The following CHM variants were observed in gnomAD, a reference collection of about 807,000 sequenced individuals.
CHM encodes the protein rab proteins geranylgeranyltransferase component A 1.
CHM carries 10 observed loss-of-function variants against 49.0 expected under a neutral mutation model. That is an observed-to-expected ratio of 0.20 (90% CI 0.13 to 0.35). CHM has a LOEUF of 0.35. Ranked by LOEUF, CHM falls within the 10% of genes least tolerant of loss-of-function variation. The pLI is 1.00. For synonymous variants in CHM, 184 were observed against 167.5 expected, an observed-to-expected ratio of 1.10 and a Z score of -0.76; for missense variants, 455 against 478.4, an observed-to-expected ratio of 0.95 and a Z score of 0.46.
rs150490682 is a variant in CHM, at chrX:86,047,496, C to A, written c.37G>T (p.Val13Leu). The change falls in exon 1 of 15, where the codon GTA becomes TTA. Residue 13 changes from valine to leucine, a missense_variant. Val to Leu is a conservative substitution (Grantham distance 32). Transcript: ENST00000357749. ...AGGCTACACATACCCGTCCCTATTA[C>A]GATCACATCAAACTCCGAAGGGAGA... ...DTLPSEFDVI[V>L]IGTGLPESII... 1.7e-6 allele frequency: 2 copies of A among 1,208,599 alleles called. No individual in the cohort carries two copies. The highest frequency in any genetic ancestry group is 3.5e-5 in the South Asian group (2 of 56,537).
chrX:85,896,382 C>T (rs895361896), intron 11 of CHM, among the ~76,000 whole-genome samples: 6 of 110,540 alleles, frequency 5.4e-5, no homozygotes, highest in African/African-American at 2.0e-4. Flanking sequence ...CATTGAAGGA[C>T]GTGAAGTTGA....
intron 4 of CHM, among the ~76,000 whole-genome samples, chrX:85,967,010 T>C (rs768397578): frequency 3.1e-3 from 345 of 112,347 alleles, no homozygotes; most frequent in Non-Finnish European, 5.2e-3. Flanking sequence ...ATCGTTTTAC[T>C]GTTCTCAACA....
At chrX:85,944,679 G>C (rs1181660333) in intron 8 of CHM, among the ~76,000 whole-genome samples, 1 of 112,220 alleles carries the variant, frequency 8.9e-6, no homozygotes, top group Non-Finnish European at 1.9e-5. Flanking sequence ...TACACTGCTG[G>C]TGGGTATGTA....
chrX:85,916,492 G>T (rs761806489), intron 8 of CHM, among the ~76,000 whole-genome samples: 1 of 111,850 alleles, frequency 8.9e-6, no homozygotes, highest in African/African-American at 3.2e-5. Context: ...CACAGCAAAA[G>T]AAACTATCAA....
chrX:85,980,757 T>C (rs1340609434), intron 3 of CHM, among the ~76,000 whole-genome samples: 1 of 111,443 alleles, frequency 9.0e-6, no homozygotes, highest in Non-Finnish European at 1.9e-5. Context: ...ATCTGTCTTA[T>C]AAAAGTTGGC....
At chrX:85,925,211 CTA>C (rs968734350) in intron 8 of CHM, among the ~76,000 whole-genome samples, 12 of 111,179 alleles carry the variant, frequency 1.1e-4, no homozygotes, top group East Asian at 5.6e-4. Context: ...GCCTCCATAT[CTA>C]TGTTTCATAA....
At chrX:85,866,314 G>A (rs769588148) in intron 14 of CHM, among the ~76,000 whole-genome samples, 4 of 112,590 alleles carry the variant, frequency 3.6e-5, no homozygotes, top group South Asian at 3.7e-4. Context: ...TGCAAGCCCC[G>A]AGCGTTGCCA....
chrX:85,942,293 T>C (rs1929155757), intron 8 of CHM, among the ~76,000 whole-genome samples: 1 of 85,712 alleles, frequency 1.2e-5, no homozygotes, highest in Non-Finnish European at 2.2e-5. Flanking sequence ...CAACCCCAAG[T>C]CTTTAAATCC....
At chrX:85,950,010 T>TATATATATATATATATATATA in intron 8 of CHM, among the ~76,000 whole-genome samples, 1 of 85,431 alleles carries the variant, frequency 1.2e-5, no homozygotes, top group Non-Finnish European at 2.3e-5. Context: ...TATATATATA[T>TATATATATATATATATATATA]CTTGTAATGG....
chrX:85,919,270 T>C (rs1482363261), intron 8 of CHM, among the ~76,000 whole-genome samples: 2 of 111,641 alleles, frequency 1.8e-5, no homozygotes, highest in Non-Finnish European at 3.8e-5. Context: ...TAAAAATATA[T>C]AAAACAATAT....
At chrX:85,959,027 T>C (rs1369935795) in intron 5 of CHM, 50 bp from the exon 6 acceptor site, 6 of 1,183,345 alleles carry the variant, frequency 5.1e-6, no homozygotes, top group African/African-American at 1.8e-5. Context: ...AGTAGAAAAA[T>C]TGGAAAACAA....
intron 8 of CHM, among the ~76,000 whole-genome samples, chrX:85,934,279 C>CTTT (rs769967072): frequency 5.6e-5 from 4 of 71,239 alleles, no homozygotes; most frequent in Non-Finnish European, 8.0e-5. Context: ...TGCGCTCAGC[C>CTTT]TTTTTTTTTT....
intron 2 of CHM, among the ~76,000 whole-genome samples, chrX:86,025,037 T>C (rs999311450): frequency 1.8e-5 from 2 of 111,038 alleles, no homozygotes; most frequent in African/African-American, 6.6e-5. Flanking sequence ...GATCAGGAGA[T>C]ATCATCAGTA....
In CHM at chrX:85,958,901, A is replaced by G; in HGVS notation, c.779T>C (p.Ile260Thr). 1 of 1,211,687 alleles carries G rather than the reference A, an allele frequency of 8.3e-7. No homozygotes were observed. The highest frequency in any genetic ancestry group is 1.7e-5 in the African/African-American group (1 of 57,838). The stretch of plus-strand genomic sequence containing the variant: ...TTCTCGAAATGCAAGAATCCTGGTA[A>G]TATTTTTAAACTCTGCATATCGACT... ...NVSRYAEFKNITRILAFREGR... is the reference protein window; with the variant it reads ...NVSRYAEFKNTTRILAFREGR... The change falls in exon 6 of 15, where the codon ATT becomes ACT. Residue 260 changes from isoleucine (I) to threonine (T), a missense_variant. Transcript: ENST00000357749.
intron 1 of CHM, among the ~76,000 whole-genome samples, chrX:86,040,901 A>T (rs1934431070): frequency 8.9e-6 from 1 of 112,307 alleles, no homozygotes; most frequent in African/African-American, 3.2e-5. Context: ...AATGAGCACC[A>T]ACAGTGATTT....
At chrX:85,926,214 C>A (rs1328847333) in intron 8 of CHM, among the ~76,000 whole-genome samples, 2 of 110,657 alleles carry the variant, frequency 1.8e-5, no homozygotes, top group Admixed American at 1.9e-4. Context: ...TAAACCACCC[C>A]CTTCCTTCCA....
At chrX:85,954,084 T>A (rs1280933561) in intron 8 of CHM, among the ~76,000 whole-genome samples, 6 of 111,475 alleles carry the variant, frequency 5.4e-5, no homozygotes, top group Admixed American at 9.5e-5. Flanking sequence ...AGGAAAAAAA[T>A]CTAATGATAT....
At chrX:85,928,707 G>T (rs1173324923) in intron 8 of CHM, among the ~76,000 whole-genome samples, 1 of 111,748 alleles carries the variant, frequency 8.9e-6, no homozygotes, top group Non-Finnish European at 1.9e-5. Context: ...TTCTATATAT[G>T]AAAAATGAAC....
rs749789164 is a variant in CHM, at chrX:85,905,940, C to T, written c.1245-4752G>A. 9.2e-4 allele frequency among the ~76,000 whole-genome samples: 103 copies of T among 111,669 alleles called. 2 individuals are homozygous for T. Among genetic ancestry groups the T allele is most frequent in the Non-Finnish European group, 3.2e-4 (17 of 53,105 alleles). ...ATAAGGAGGGGGCCAGATCTGCATA[C>T]CGAACAGATCTCAATGTGCAATTAT... On this transcript the variant is annotated intron_variant, in intron 9 of 14. Coordinates refer to ENST00000357749, the MANE Select transcript of CHM (RefSeq NM_000390.4).
Sources: allele counts gnomAD v4.1 joint callset (sites outside exome capture counted in the v4.1 genomes callset), GRCh38; gene constraint gnomAD v4.1.1; transcripts MANE v1.5; gene names NCBI Gene and HGNC (gene_info 2026-07-23, HGNC 2026-07-21).